The following QDPR variants were observed in gnomAD, a reference collection of about 807,000 sequenced individuals.
QDPR encodes the protein dihydropteridine reductase.
In QDPR, 23 loss-of-function variants were observed where a neutral mutation model predicts 31.7. That is an observed-to-expected ratio of 0.73 (90% CI 0.52 to 1.03). The LOEUF is 1.03. Among genes scored for constraint, QDPR ranks in the 50% least tolerant of loss-of-function variants. QDPR has a pLI of 0.00. For missense variants in QDPR, 324 were observed against 323.8 expected (o/e 1.00, Z 0.00); for synonymous variants, 124 against 124.7 (o/e 0.99, Z 0.03).
chr4:17,488,582 G>A (rs1173691765), intron 6 of QDPR, among the ~76,000 whole-genome samples: 2 of 152,160 alleles, frequency 1.3e-5, no homozygotes, highest in East Asian at 3.8e-4. Flanking sequence ...ATGAAAAAGG[G>A]CAAAAGAAAT....
chr4:17,496,642 CTTT>C (rs879494114), intron 4 of QDPR, among the ~76,000 whole-genome samples: 2 of 142,138 alleles, frequency 1.4e-5, no homozygotes, highest in Admixed American at 1.4e-4. Flanking sequence ...TGGTGCTTTT[CTTT>C]TTTTTTTTTT....
intron 2 of QDPR, among the ~76,000 whole-genome samples, chr4:17,508,929 C>T (rs1447007127): frequency 7.9e-5 from 12 of 152,114 alleles, no homozygotes; most frequent in Middle Eastern, 3.4e-3. Context: ...GAGGCTAAGG[C>T]GGGCGGATCA....
At position 17,489,129 on chromosome 4, in the gene QDPR, G is replaced by A. The variant is rs139464653; in HGVS notation, c.629+1533C>T. ...TGGTTTTACTTCTTCACCCTCATCT[G>A]CAGCGTGGATAGGTGAGTGAGAACG... is the stretch of plus-strand genomic sequence containing the variant. On this transcript the variant is annotated intron_variant, in intron 6 of 6. Transcript: ENST00000281243. Among the ~76,000 whole-genome samples the A allele has an allele frequency of 7.6e-3, 1,163 of 152,334 alleles. 8 individuals carry two copies. The highest frequency in any genetic ancestry group is 0.026 in the African/African-American group (1,086 of 41,570).
chr4:17,488,064 AGACC>A (rs1180330209), intron 6 of QDPR, among the ~76,000 whole-genome samples: 1 of 152,154 alleles, frequency 6.6e-6, no homozygotes, highest in African/African-American at 2.4e-5. Context: ...GGAGTTTTTG[AGACC>A]AGCCTGGGCA....
chr4:17,494,140 TG>T, intron 4 of QDPR, among the ~76,000 whole-genome samples: 1 of 152,244 alleles, frequency 6.6e-6, no homozygotes, highest in South Asian at 2.1e-4. Context: ...TTTCGTGAAA[TG>T]GGAATGACAA....
Position 17,493,777 on chromosome 4 carries a change from G to A in QDPR, c.437-1437C>T, listed in dbSNP as rs540606299. Among the ~76,000 whole-genome samples, 12 of 152,226 alleles carry A rather than the reference G, an allele frequency of 7.9e-5. No individual in the cohort carries two copies. In the South Asian group the frequency reaches 2.5e-3, roughly 32 times the overall value. On this transcript the variant is annotated intron_variant, in intron 4 of 6. Transcript: ENST00000281243. ...TTATAGAGCTTAATCTCCAGCCCCT[G>A]CTTCCTTCCAGGAGGTCGGTAGGTG... is the stretch of plus-strand genomic sequence containing the variant.
At chr4:17,506,444 T>C (rs376284320) in intron 2 of QDPR, among the ~76,000 whole-genome samples, 3 of 152,330 alleles carry the variant, frequency 2.0e-5, no homozygotes, top group Admixed American at 6.5e-5. Context: ...TTGGCCTTTA[T>C]TACTTTATTC....
Position 17,512,049 on chromosome 4 carries a change from C to T in QDPR, c.6G>A (p.Ala2=), listed in dbSNP as rs775532297. 4.4e-6 allele frequency: 7 copies of T among 1,600,858 alleles called. No homozygotes were observed. The highest frequency in any genetic ancestry group is 2.3e-5 in the East Asian group (1 of 44,256). ...GCGCCTCGCCTGCAGCCGCCGCCGCCGCCATCCTGCTCCTGCCAGCCCGGC... is the reference window on the plus strand; with the variant it reads ...GCGCCTCGCCTGCAGCCGCCGCCGCTGCCATCCTGCTCCTGCCAGCCCGGC... M[A]AAAAAGEARR... Residue 2 remains alanine, a synonymous_variant, in exon 1 of 7, where the codon GCG becomes GCA. Transcript: ENST00000281243.
At chr4:17,504,722 G>A (rs1211483387) in intron 2 of QDPR, among the ~76,000 whole-genome samples, 1 of 151,972 alleles carries the variant, frequency 6.6e-6, no homozygotes, top group Non-Finnish European at 1.5e-5. Context: ...CTGAAAGGTA[G>A]AGACATGAGC....
chr4:17,503,383 A>ATAAT (rs1718639171), intron 3 of QDPR, among the ~76,000 whole-genome samples: 1 of 152,226 alleles, frequency 6.6e-6, no homozygotes, highest in South Asian at 2.1e-4. Flanking sequence ...TTAATCTTAG[A>ATAAT]TAATCACTGT....
At chr4:17,495,305 C>T (rs1224034955) in intron 4 of QDPR, among the ~76,000 whole-genome samples, 3 of 152,172 alleles carry the variant, frequency 2.0e-5, no homozygotes, top group Non-Finnish European at 4.4e-5. Flanking sequence ...TGCTCCCGGG[C>T]ATCAAAACCC....
intron 4 of QDPR, among the ~76,000 whole-genome samples, chr4:17,495,047 C>T (rs556045277): frequency 6.4e-4 from 97 of 152,260 alleles, no homozygotes; most frequent in African/African-American, 2.1e-3. Context: ...CCAGTGACTG[C>T]GGCAGGGAGG....
intron 2 of QDPR, among the ~76,000 whole-genome samples, chr4:17,506,888 G>A (rs1348489374): frequency 6.6e-6 from 1 of 152,196 alleles, no homozygotes; most frequent in East Asian, 1.9e-4. Context: ...AAGAGCAAAT[G>A]AGTAGCAGAG....
In QDPR at chr4:17,487,155, C is replaced by T. The variant is rs142234080; in HGVS notation, c.711G>A (p.Thr237=). ...LIQVVTTEGR[T]ELTPAYF ...CCTAAAAATATGCTGGGGTGAGTTC[C>T]GTCCTTCCTTCTGTGGTTACCACCT... Residue 237 remains threonine, a synonymous_variant, in exon 7 of 7, where the codon ACG becomes ACA. Coordinates refer to ENST00000281243, the MANE Select transcript of QDPR (RefSeq NM_000320.3). 1.2e-5 allele frequency: 19 copies of T among 1,614,172 alleles called. No individual in the cohort carries two copies. The highest frequency in any genetic ancestry group is 1.1e-4 in the East Asian group (5 of 44,888).
chr4:17,499,144 T>C (rs538713984), intron 4 of QDPR, among the ~76,000 whole-genome samples: 4 of 152,160 alleles, frequency 2.6e-5, no homozygotes, highest in Non-Finnish European at 5.9e-5. Context: ...AACCACCATA[T>C]ATATAAAGGA....
At chr4:17,501,950 T>C (rs1718580686) in intron 3 of QDPR, 91 bp from the exon 4 acceptor site, 2 of 1,515,184 alleles carry the variant, frequency 1.3e-6, no homozygotes, top group African/African-American at 1.4e-5. Flanking sequence ...AGGGAGGCCC[T>C]CCCTCCTGGT....
At chr4:17,501,525 T>C (rs2108992827) in intron 4 of QDPR, among the ~76,000 whole-genome samples, 194 bp downstream of exon 4, 1 of 152,102 alleles carries the variant, frequency 6.6e-6, no homozygotes, top group South Asian at 2.1e-4. Context: ...ACCATAAACA[T>C]AAGGACAGGC....
chr4:17,511,676 G>C (rs924031999), intron 1 of QDPR, among the ~76,000 whole-genome samples: 2 of 152,128 alleles, frequency 1.3e-5, no homozygotes, highest in African/African-American at 4.8e-5. Context: ...CTCCCCTTTG[G>C]AATTCTCTCC....
intron 5 of QDPR, among the ~76,000 whole-genome samples, chr4:17,491,322 C>T (rs554312744): frequency 3.9e-5 from 6 of 152,148 alleles, no homozygotes; most frequent in Non-Finnish European, 8.8e-5. Flanking sequence ...ATCACAGAAC[C>T]TCACAACTAA....
Sources: allele counts gnomAD v4.1 joint callset (sites outside exome capture counted in the v4.1 genomes callset), GRCh38; gene constraint gnomAD v4.1.1; transcripts MANE v1.5; gene names NCBI Gene and HGNC (gene_info 2026-07-23, HGNC 2026-07-21).